SCAPER: variants seen among roughly 807,000 people sequenced by gnomAD.
The protein encoded by SCAPER is S-phase cyclin A associated protein in the ER.
In SCAPER, 98 loss-of-function variants were observed where a neutral mutation model predicts 182.2. The observed-to-expected ratio is 0.54, with a 90% CI of 0.46 to 0.64. The LOEUF (loss-of-function observed/expected upper bound fraction) is 0.64. Among genes scored for constraint, SCAPER ranks in the 30% least tolerant of loss-of-function variants. The probability of loss-of-function intolerance (pLI) is 0.00; values close to 1 mark genes in which losing one functional copy is unlikely to be tolerated. For missense variants in SCAPER, 1,432 were observed against 1,690.0 expected (o/e 0.85, Z 2.68); for synonymous variants, 605 against 564.6 (o/e 1.07, Z -1.01).
At chr15:76,754,768 C>G (rs550160058) in intron 14 of SCAPER, among the ~76,000 whole-genome samples, 1 of 152,194 alleles carries the variant, frequency 6.6e-6, no homozygotes, top group Non-Finnish European at 1.5e-5. Context: ...TAGCACTATA[C>G]TAAGAGCCAG....
chr15:76,354,841 G>A lies in SCAPER; in HGVS notation c.3856-701C>T, dbSNP rs2040846480. Among the ~76,000 whole-genome samples the A allele has an allele frequency of 6.6e-6, 1 of 152,214 alleles. No individual in the cohort carries two copies. Among genetic ancestry groups the A allele is most frequent in the Non-Finnish European group, 1.5e-5 (1 of 68,036 alleles). On this transcript the variant is annotated intron_variant, in intron 29 of 31. Transcript: ENST00000563290. The surrounding 1 kb of genome is among the most constrained non-coding windows in gnomAD (Gnocchi z 4.4). ...ATAGGGCAATGCAACGAATGGGCTT[G>A]CAGGGAAGCCCTCTTAATTTACTCC...
At chr15:76,658,227 A>C (rs2055834981) in intron 21 of SCAPER, among the ~76,000 whole-genome samples, 1 of 152,176 alleles carries the variant, frequency 6.6e-6, no homozygotes, top group Non-Finnish European at 1.5e-5. Context: ...TTCAGGATAT[A>C]AAATCAATGT....
At chr15:76,823,952 G>A (rs771889480) in intron 5 of SCAPER, among the ~76,000 whole-genome samples, 13 of 151,460 alleles carry the variant, frequency 8.6e-5, no homozygotes, top group Non-Finnish European at 1.5e-4. Context: ...AATATAAGCC[G>A]CTATACTTCA....
intron 23 of SCAPER, among the ~76,000 whole-genome samples, chr15:76,538,654 A>G (rs1262251064): frequency 6.6e-6 from 1 of 152,146 alleles, no homozygotes; most frequent in African/African-American, 2.4e-5. Flanking sequence ...AGCATGGCAC[A>G]TGTATACATA....
At chr15:76,769,044 G>C (rs866779141) in intron 10 of SCAPER, among the ~76,000 whole-genome samples, 32 of 152,204 alleles carry the variant, frequency 2.1e-4, no homozygotes, top group African/African-American at 6.0e-4. Flanking sequence ...TATCATCAGA[G>C]TGAACAGGCA....
intron 8 of SCAPER, among the ~76,000 whole-genome samples, chr15:76,778,695 A>G (rs2151369145): frequency 6.6e-6 from 1 of 152,058 alleles, no homozygotes; most frequent in South Asian, 2.1e-4. Context: ...TTATATACCT[A>G]TAGTTTAAGT....
At chr15:76,792,639 C>T (rs1215662796) in intron 8 of SCAPER, among the ~76,000 whole-genome samples, 1 of 152,134 alleles carries the variant, frequency 6.6e-6, no homozygotes, top group South Asian at 2.1e-4. Context: ...TTAAAGAAGC[C>T]CAGGAAATAT....
intron 15 of SCAPER, among the ~76,000 whole-genome samples, chr15:76,745,187 C>T (rs1417729253): frequency 3.3e-5 from 5 of 152,108 alleles, no homozygotes; most frequent in African/African-American, 1.2e-4. Context: ...GACCTGTAAT[C>T]CCAGCACTTT....
chr15:76,376,008 A>G (rs1226643702), intron 29 of SCAPER, among the ~76,000 whole-genome samples, 154 bp downstream of exon 29: 1 of 152,210 alleles, frequency 6.6e-6, no homozygotes, highest in African/African-American at 2.4e-5. Context: ...ATCTATTTGA[A>G]GAGAAGGAGC....
Position 76,728,659 on chromosome 15 carries a change from G to A in SCAPER, c.2101C>T (p.Arg701Ter). The change falls in exon 17 of 32, where the codon CGA becomes TGA. Residue 701 changes from arginine to a stop codon, truncating the protein, a stop_gained. Coordinates refer to ENST00000563290, the MANE Select transcript of SCAPER (RefSeq NM_020843.4). LOFTEE classifies it high-confidence loss of function. ...LLMKRKEQEA[R>*]IEQQRQEKEK... ...TTTTCTTGCCTCTGTTGTTCAATTC[G>A]GGCTTCTTGTTCTTTCCTCTTCATT... 1.9e-6 allele frequency: 3 copies of A among 1,613,492 alleles called. No individual in the cohort carries two copies. Among genetic ancestry groups the A allele is most frequent in the Non-Finnish European group, 1.7e-6 (2 of 1,179,680 alleles).
chr15:76,603,261 C>A (rs1285545108), intron 22 of SCAPER, among the ~76,000 whole-genome samples: 1 of 119,138 alleles, frequency 8.4e-6, no homozygotes, highest in Non-Finnish European at 2.0e-5. Flanking sequence ...GTTCAATTCC[C>A]ACCTATGAGC....
chr15:76,360,762 G>C (rs1596296953), intron 29 of SCAPER, among the ~76,000 whole-genome samples: 1 of 152,100 alleles, frequency 6.6e-6, no homozygotes, highest in South Asian at 2.1e-4. Flanking sequence ...CTGTGCCAAG[G>C]GTTTGTCTCA....
Position 76,764,948 on chromosome 15 carries a change from A to G in SCAPER, c.1725+13T>C. ...TTCAGACTATCATAATTTCCTAAAA[A>G]ATAAAAACTCACCCTTTCTAACAAT... On this transcript the variant is annotated intron_variant, in intron 14 of 31. Transcript: ENST00000563290. The G allele has an allele frequency of 6.6e-7, 1 of 1,523,296 alleles. No individual in the cohort carries two copies. The highest frequency in any genetic ancestry group is 1.2e-5 in the South Asian group (1 of 82,182). 94.4% of individuals were successfully genotyped at this position (1,523,296 alleles called of 1,614,324 possible).
chr15:76,523,405 A>G (rs2042965138), intron 23 of SCAPER, among the ~76,000 whole-genome samples: 1 of 152,088 alleles, frequency 6.6e-6, no homozygotes, highest in African/African-American at 2.4e-5. Flanking sequence ...TATGGTTCCC[A>G]GGTCAGTCAC....
intron 26 of SCAPER, among the ~76,000 whole-genome samples, chr15:76,428,145 G>A (rs2046572860): frequency 1.3e-5 from 2 of 152,108 alleles, no homozygotes; most frequent in Non-Finnish European, 2.9e-5. Context: ...TGAGGATGTA[G>A]AGAAAAGGAA....
At chr15:76,796,126 A>T (rs1273576124) in intron 7 of SCAPER, among the ~76,000 whole-genome samples, 1 of 152,160 alleles carries the variant, frequency 6.6e-6, no homozygotes, top group African/African-American at 2.4e-5. Context: ...ACACTACTAA[A>T]AGAGGCTTTT....
chr15:76,443,583 A>C (rs1567150371), intron 25 of SCAPER, among the ~76,000 whole-genome samples: 4 of 152,240 alleles, frequency 2.6e-5, no homozygotes, highest in Non-Finnish European at 5.9e-5. Flanking sequence ...TTTACAAGGA[A>C]AGAATTCATT....
chr15:76,900,420 T>A (rs1046700808), intron 1 of SCAPER, among the ~76,000 whole-genome samples: 1 of 150,424 alleles, frequency 6.6e-6, no homozygotes, highest in East Asian at 1.9e-4. Context: ...GGCAAAATAT[T>A]GACAGTGGTA....
chr15:76,634,592 A>G (rs915525694), intron 21 of SCAPER, among the ~76,000 whole-genome samples: 1 of 152,154 alleles, frequency 6.6e-6, no homozygotes, highest in East Asian at 1.9e-4. Context: ...AATGTCTTTC[A>G]ATTTTTCAGG....
Sources: allele counts gnomAD v4.1 joint callset (sites outside exome capture counted in the v4.1 genomes callset), GRCh38; gene constraint gnomAD v4.1.1; non-coding constraint Gnocchi (gnomAD v3.1); transcripts MANE v1.5; gene names NCBI Gene and HGNC (gene_info 2026-07-23, HGNC 2026-07-21).